STOX2: variants seen among roughly 807,000 people sequenced by gnomAD.
STOX2 encodes storkhead box 2.
A neutral mutation model predicts 60.9 loss-of-function variants in STOX2; 28 were observed. The observed-to-expected ratio is 0.46, with a 90% CI of 0.34 to 0.63. The LOEUF (loss-of-function observed/expected upper bound fraction) is 0.63, where lower values mean the gene tolerates loss of function less well. STOX2 is among the 30% of genes least tolerant of loss of function. STOX2 has a pLI of 0.01. For missense variants in STOX2, 1,024 were observed against 1,187.7 expected, an observed-to-expected ratio of 0.86 and a Z score of 2.03; for synonymous variants, 472 against 463.9, an observed-to-expected ratio of 1.02 and a Z score of -0.22.
chr4:183,799,549 G>A (rs552040673), intron 1 of STOX2, among the ~76,000 whole-genome samples: 1 of 152,180 alleles, frequency 6.6e-6, no homozygotes, highest in Admixed American at 6.5e-5. Flanking sequence ...TACAAAAGTA[G>A]TATAACTCAA....
intron 1 of STOX2, among the ~76,000 whole-genome samples, chr4:183,930,497 G>A (rs931378448): frequency 6.0e-5 from 8 of 134,196 alleles, no homozygotes; most frequent in Admixed American, 2.1e-4. Context: ...GTGCCACCAT[G>A]CCCCTTTTTT....
chr4:183,926,271 T>A (rs1445609501), intron 1 of STOX2, among the ~76,000 whole-genome samples: 1 of 152,040 alleles, frequency 6.6e-6, no homozygotes, highest in Non-Finnish European at 1.5e-5. Context: ...ACATAAAAAA[T>A]ATAAAGCATT....
intron 1 of STOX2, among the ~76,000 whole-genome samples, chr4:183,980,285 G>A (rs1732605468): frequency 6.6e-6 from 1 of 152,202 alleles, no homozygotes; most frequent in Non-Finnish European, 1.5e-5. Flanking sequence ...TTATGGCTGT[G>A]ATACGAAAGG....
intron 1 of STOX2, among the ~76,000 whole-genome samples, chr4:183,944,969 T>G (rs576001269): frequency 1.3e-5 from 2 of 152,344 alleles, no homozygotes; most frequent in African/African-American, 4.8e-5. Flanking sequence ...TTTATTGAAG[T>G]CTTTTATTAT....
intron 1 of STOX2, among the ~76,000 whole-genome samples, chr4:183,924,207 G>A (rs1742177739): frequency 6.6e-6 from 1 of 152,090 alleles, no homozygotes; most frequent in South Asian, 2.1e-4. Context: ...TTCGTGTCAG[G>A]GCCTTGACAC....
intron 1 of STOX2, among the ~76,000 whole-genome samples, chr4:183,824,140 A>G (rs1739368340): frequency 6.6e-6 from 1 of 152,230 alleles, no homozygotes; most frequent in African/African-American, 2.4e-5. Flanking sequence ...TTTGAGCTTT[A>G]GCTCATAAAC....
chr4:183,913,491 G>A (rs1741842036), intron 1 of STOX2, among the ~76,000 whole-genome samples: 1 of 152,116 alleles, frequency 6.6e-6, no homozygotes, highest in South Asian at 2.1e-4. Context: ...GTGTGTCCTG[G>A]GCCAGGCGTG....
At chr4:183,892,777 C>T (rs533651871) in intron 1 of STOX2, among the ~76,000 whole-genome samples, 2 of 152,138 alleles carry the variant, frequency 1.3e-5, no homozygotes, top group South Asian at 4.1e-4. Context: ...TTTTTTTTCA[C>T]TTGTTCCAGA....
chr4:183,858,797 C>G (rs1215778939), intron 1 of STOX2, among the ~76,000 whole-genome samples: 1 of 152,148 alleles, frequency 6.6e-6, no homozygotes, highest in Non-Finnish European at 1.5e-5. Flanking sequence ...TTGTAGTCGA[C>G]TTCTTTATAC....
intron 1 of STOX2, among the ~76,000 whole-genome samples, chr4:183,823,694 C>G (rs1739356869): frequency 6.6e-6 from 1 of 152,204 alleles, no homozygotes; most frequent in Admixed American, 6.5e-5. Flanking sequence ...GCCTAAAGGG[C>G]TGTCACACTT....
intron 1 of STOX2, among the ~76,000 whole-genome samples, chr4:183,879,776 C>G (rs1327867296): frequency 6.6e-6 from 1 of 150,946 alleles, no homozygotes; most frequent in Non-Finnish European, 1.5e-5. Context: ...TTGGAGGAGG[C>G]TTGGGGGATG....
At chr4:184,007,312 C>T (rs1011922115) in intron 2 of STOX2, among the ~76,000 whole-genome samples, 5 of 152,134 alleles carry the variant, frequency 3.3e-5, no homozygotes, top group African/African-American at 9.7e-5. Flanking sequence ...ACCTTTATTT[C>T]CTACTTTGGA....
chr4:183,855,610 A>G (rs1323372195), intron 1 of STOX2, among the ~76,000 whole-genome samples: 1 of 152,158 alleles, frequency 6.6e-6, no homozygotes, highest in Non-Finnish European at 1.5e-5. Context: ...GTGTGGGAAA[A>G]TCTTTTGTGA....
chr4:183,851,863 GA>G, intron 1 of STOX2, among the ~76,000 whole-genome samples: 1 of 78,644 alleles, frequency 1.3e-5, no homozygotes, highest in Admixed American at 1.1e-4. Context: ...GAAAGGATGA[GA>G]GAAAGGATGA....
intron 1 of STOX2, among the ~76,000 whole-genome samples, chr4:183,816,196 G>A (rs1177578550): frequency 2.0e-5 from 3 of 152,212 alleles, no homozygotes; most frequent in Non-Finnish European, 4.4e-5. Context: ...GAGCAGTGGT[G>A]CCAGTTAGCC....
chr4:183,970,169 TGTGTGTGTGTGTGG>T (rs1743699250), intron 1 of STOX2, among the ~76,000 whole-genome samples: 1 of 149,942 alleles, frequency 6.7e-6, no homozygotes, highest in African/African-American at 2.5e-5. Context: ...TGTGTGTGTG[TGTGTGTGTGTGTGG>T]GGTTCCAGCT....
At chr4:183,935,889 A>G (rs990880594) in intron 1 of STOX2, among the ~76,000 whole-genome samples, 17 of 152,228 alleles carry the variant, frequency 1.1e-4, no homozygotes, top group African/African-American at 3.9e-4. Context: ...TGAAATGTTT[A>G]GTTCCTAAGT....
At chr4:183,867,106 C>G (rs2111159753) in intron 1 of STOX2, among the ~76,000 whole-genome samples, 1 of 152,106 alleles carries the variant, frequency 6.6e-6, no homozygotes, top group Non-Finnish European at 1.5e-5. Context: ...TGTTTCGGCT[C>G]TAGAGCTGCC....
chr4:183,841,547 G>A (rs13106255), intron 1 of STOX2, among the ~76,000 whole-genome samples: 126,148 of 152,072 alleles, frequency 0.83, 52,621 homozygotes, highest in South Asian at 0.88. Context: ...CCTTGGTAGC[G>A]TGCGATTTCT....
Sources: allele counts gnomAD v4.1 joint callset (sites outside exome capture counted in the v4.1 genomes callset), GRCh38; gene constraint gnomAD v4.1.1; transcripts MANE v1.5; gene names NCBI Gene and HGNC (gene_info 2026-07-23, HGNC 2026-07-21).